The following SV2C variants were observed in gnomAD, a reference collection of about 807,000 sequenced individuals.
The protein encoded by SV2C is solute carrier family 22 member B3.
A neutral mutation model predicts 79.7 loss-of-function variants in SV2C; 49 were observed. The ratio of observed to expected loss-of-function variants is 0.61; its 90% CI spans 0.49 to 0.78. SV2C has a LOEUF of 0.78. Ranked by LOEUF, SV2C falls within the 30% of genes least tolerant of loss-of-function variation. SV2C has a pLI of 0.00. For synonymous variants in SV2C, 334 were observed against 333.2 expected, an observed-to-expected ratio of 1.00 and a Z score of -0.03; for missense variants, 833 against 912.9, an observed-to-expected ratio of 0.91 and a Z score of 1.13.
At chr5:75,953,900 G>C in the SV2C span, among the ~76,000 whole-genome samples, 1 of 151,828 alleles carries the variant, frequency 6.6e-6, no homozygotes, top group Non-Finnish European at 1.5e-5. Context: ...AGTGTTTCCT[G>C]CACCTCCAAA....
At chr5:75,900,321 G>T in the SV2C span, among the ~76,000 whole-genome samples, 1 of 152,162 alleles carries the variant, frequency 6.6e-6, no homozygotes, top group Admixed American at 6.5e-5. Context: ...CTTCACTTAT[G>T]AAGCTTAGTT....
chr5:75,990,966 C>T, the SV2C span, among the ~76,000 whole-genome samples: 5 of 151,864 alleles, frequency 3.3e-5, no homozygotes, highest in Non-Finnish European at 7.4e-5. Flanking sequence ...AATTGCCTAT[C>T]GTCAGGCCTG....
intron 2 of SV2C, among the ~76,000 whole-genome samples, chr5:76,139,811 G>A (rs1465354065): frequency 6.6e-6 from 1 of 151,150 alleles, no homozygotes; most frequent in Non-Finnish European, 1.5e-5. Context: ...ACATATAACT[G>A]GAATTTTACT....
chr5:75,868,584 A>G, the SV2C span, among the ~76,000 whole-genome samples: 1 of 152,340 alleles, frequency 6.6e-6, no homozygotes, highest in East Asian at 1.9e-4. Flanking sequence ...TCCAATAGTA[A>G]ACTAACTAAG....
chr5:75,871,868 TTTTTA>T, the SV2C span, among the ~76,000 whole-genome samples: 3 of 145,038 alleles, frequency 2.1e-5, no homozygotes, highest in African/African-American at 7.9e-5. Flanking sequence ...CGTATATATA[TTTTTA>T]TTATTATTAT....
intron 2 of SV2C, among the ~76,000 whole-genome samples, chr5:76,172,750 C>A (rs1743355246): frequency 1.2e-5 from 1 of 82,588 alleles, no homozygotes; most frequent in Non-Finnish European, 2.3e-5. Context: ...ACCTTACCCC[C>A]AACCCTGTGC....
chr5:75,948,823 A>G, the SV2C span, among the ~76,000 whole-genome samples: 8 of 152,082 alleles, frequency 5.3e-5, no homozygotes, highest in African/African-American at 1.9e-4. Flanking sequence ...AGGAGATAAG[A>G]ACAATGGTAT....
the SV2C span, among the ~76,000 whole-genome samples, chr5:76,035,712 T>C: frequency 4.6e-5 from 7 of 152,202 alleles, no homozygotes; most frequent in African/African-American, 9.7e-5. Context: ...CTGAAAAGAA[T>C]GTATCTTCTG....
At chr5:75,897,034 T>C in the SV2C span, among the ~76,000 whole-genome samples, 1 of 145,566 alleles carries the variant, frequency 6.9e-6, no homozygotes, top group East Asian at 1.9e-4. Flanking sequence ...TTCACTCTGA[T>C]GGTAGTTTCT....
chr5:76,164,233 A>G (rs1742977391), intron 2 of SV2C, among the ~76,000 whole-genome samples: 1 of 152,248 alleles, frequency 6.6e-6, no homozygotes, highest in Admixed American at 6.5e-5. Context: ...AATCTTATTT[A>G]GAAGTATTAA....
chr5:76,308,637 T>C (rs542516595), intron 12 of SV2C, among the ~76,000 whole-genome samples: 4 of 152,214 alleles, frequency 2.6e-5, no homozygotes, highest in South Asian at 2.1e-4. Context: ...TCTGTGCCTA[T>C]TGGCATTTCT....
At chr5:75,952,426 T>C in the SV2C span, among the ~76,000 whole-genome samples, 5 of 151,980 alleles carry the variant, frequency 3.3e-5, no homozygotes, top group Non-Finnish European at 5.9e-5. Context: ...CTTTTCATTA[T>C]TGTGGTCGTG....
intron 1 of SV2C, among the ~76,000 whole-genome samples, chr5:76,119,941 C>T (rs1050055452): frequency 6.6e-6 from 1 of 152,032 alleles, no homozygotes; most frequent in Non-Finnish European, 1.5e-5. Context: ...TGAGAACCTT[C>T]CTTAAACACA....
At chr5:75,974,167 A>G in the SV2C span, among the ~76,000 whole-genome samples, 1 of 151,970 alleles carries the variant, frequency 6.6e-6, no homozygotes, top group East Asian at 1.9e-4. Context: ...GAGGTTTTTA[A>G]TTTCTACATA....
the SV2C span, among the ~76,000 whole-genome samples, chr5:75,908,893 C>A: frequency 6.6e-6 from 1 of 151,934 alleles, no homozygotes; most frequent in East Asian, 1.9e-4. Context: ...TATGTAGTTG[C>A]CTTATTTTGC....
chr5:76,151,660 A>G (rs1285664879), intron 2 of SV2C, among the ~76,000 whole-genome samples: 3 of 152,216 alleles, frequency 2.0e-5, no homozygotes, highest in Non-Finnish European at 4.4e-5. Context: ...ACCAGGCGTT[A>G]TGCCTTAATA....
the SV2C span, among the ~76,000 whole-genome samples, chr5:75,959,744 T>C: frequency 4.5e-3 from 677 of 152,112 alleles, 7 homozygotes; most frequent in African/African-American, 0.015. Context: ...TGCTCACATA[T>C]TCATTCCACA....
chr5:76,306,929 G>C (rs1298889079), intron 12 of SV2C, among the ~76,000 whole-genome samples: 3 of 152,210 alleles, frequency 2.0e-5, no homozygotes, highest in Non-Finnish European at 4.4e-5. Context: ...CAAGTGAGGG[G>C]TTACTGCTGA....
At chr5:76,346,030 T>C (rs1749530182) in intron 12 of SV2C, among the ~76,000 whole-genome samples, 1 of 152,210 alleles carries the variant, frequency 6.6e-6, no homozygotes, top group Admixed American at 6.5e-5. Flanking sequence ...TGCTGGTAAG[T>C]ATTTAACAAC....
Sources: allele counts gnomAD v4.1 joint callset (sites outside exome capture counted in the v4.1 genomes callset), GRCh38; gene constraint gnomAD v4.1.1; transcripts MANE v1.5; gene names NCBI Gene and HGNC (gene_info 2026-07-23, HGNC 2026-07-21).